The following PCDHGB2 variants were observed in gnomAD, a reference collection of about 807,000 sequenced individuals.
The protein encoded by PCDHGB2 is protocadherin gamma subfamily B, 2, also known as protocadherin gamma-B2.
In PCDHGB2, 55 loss-of-function variants were observed where a neutral mutation model predicts 59.3. The ratio of observed to expected loss-of-function variants is 0.93; its 90% CI spans 0.75 to 1.16. The LOEUF is 1.16. Among genes scored for constraint, PCDHGB2 ranks in the 50% most tolerant of loss-of-function variants. PCDHGB2 has a pLI of 0.00. For synonymous variants in PCDHGB2, 516 were observed against 512.0 expected, an observed-to-expected ratio of 1.01 and a Z score of -0.11; for missense variants, 1,228 against 1,198.5, an observed-to-expected ratio of 1.02 and a Z score of -0.36.
Position 141,362,374 on chromosome 5 carries a change from A to G in PCDHGB2, c.2239A>G (p.Thr747Ala). 1 of 1,614,036 alleles carries G rather than the reference A, an allele frequency of 6.2e-7. No individual in the cohort carries two copies. The highest frequency in any genetic ancestry group is 8.5e-7 in the Non-Finnish European group (1 of 1,179,890). The change falls in exon 1 of 4, where the codon ACA (threonine) becomes GCA (alanine). Residue 747 changes from threonine (T) to alanine (A), a missense_variant. Thr to Ala is a moderately conservative substitution (Grantham distance 58). Coordinates refer to ENST00000522605, the MANE Select transcript of PCDHGB2 (RefSeq NM_018923.3). ...PGVLPNYSEG[T>A]LPYSYNLCVA... is the part of the protein sequence containing the mutation. ...GGTTCTCCCCAATTACAGTGAGGGT[A>G]CATTGCCCTATTCCTACAACCTGTG... is the stretch of plus-strand genomic sequence containing the variant.
chr5:141,430,967 G>A lies in PCDHGB2; in HGVS notation c.2422-63840G>A, dbSNP rs746992307. 5 of 1,613,256 alleles carry A rather than the reference G, an allele frequency of 3.1e-6. No individual in the cohort carries two copies. In the East Asian group the frequency reaches 6.7e-5, roughly 22 times the overall value. On this transcript the variant is annotated intron_variant, in intron 1 of 3. Coordinates refer to ENST00000522605, the MANE Select transcript of PCDHGB2 (RefSeq NM_018923.3). ...GCGCGGAGTCCGCATCATCCCCAGA[G>A]GTAGGACGCAGCTTTTCGCCCTGAA... is the stretch of plus-strand genomic sequence containing the variant.
chr5:141,387,984 C>T (rs1470979893), intron 1 of PCDHGB2: 2 of 1,485,580 alleles, frequency 1.3e-6, no homozygotes. Flanking sequence ...TGAGCAGATC[C>T]GCTACAGGAT....
chr5:141,375,075 C>A lies in PCDHGB2; in HGVS notation c.2421+12519C>A. The stretch of plus-strand genomic sequence containing the variant: ...GATGGGCCAGGTCTTCGAGACAGAG[C>A]GAAAGTCTTAATAACTATCTTGGAT... On this transcript the variant is annotated intron_variant, in intron 1 of 3. Transcript: ENST00000522605. 4 of 1,613,926 alleles carry A rather than the reference C, an allele frequency of 2.5e-6. No individual in the cohort carries two copies. The highest frequency in any genetic ancestry group is 1.6e-4 in the Middle Eastern group (1 of 6,062).
At chr5:141,483,660 G>T (rs943362284) in intron 1 of PCDHGB2, among the ~76,000 whole-genome samples, 4 of 152,094 alleles carry the variant, frequency 2.6e-5, no homozygotes, top group Admixed American at 2.0e-4. Flanking sequence ...GTGTGTGTGT[G>T]TGTGTGTGTA....
intron 1 of PCDHGB2, chr5:141,423,620 C>T: frequency 6.2e-7 from 1 of 1,608,268 alleles, no homozygotes; most frequent in Middle Eastern, 1.7e-4. Context: ...GCTGAAGACT[C>T]AGCTATCATT....
intron 1 of PCDHGB2, chr5:141,372,532 T>C (rs2150008229): frequency 6.2e-7 from 1 of 1,614,022 alleles, no homozygotes; most frequent in South Asian, 1.1e-5. Context: ...GCAATCTCCC[T>C]GCGCCTGCGA....
In PCDHGB2 at chr5:141,477,928, C is replaced by T; in HGVS notation, c.2422-16879C>T. On this transcript the variant is annotated intron_variant, in intron 1 of 3. Coordinates refer to ENST00000522605, the MANE Select transcript of PCDHGB2 (RefSeq NM_018923.3). This position sits in a 1 kb window ranked among gnomAD's most constrained non-coding sequence, Gnocchi z 4.9. ...GGGACGCGGATGCAGGGCACAATGC[C>T]TGGCTCTCCTACAGTCTCTTGGGAT... The T allele has an allele frequency of 6.2e-7, 1 of 1,614,186 alleles. No individual in the cohort carries two copies.
Position 141,432,804 on chromosome 5 carries a change from C to T in PCDHGB2, c.2422-62003C>T, listed in dbSNP as rs1482036720. The T allele has an allele frequency of 1.2e-6, 2 of 1,614,182 alleles. No individual in the cohort carries two copies. Among genetic ancestry groups the T allele is most frequent in the Non-Finnish European group, 1.7e-6 (2 of 1,180,008 alleles). ...GACCTCGGCAGCCTCGAGTCTCCAG[C>T]TAACTCTGAAACCTCAGACCTCACT... is the stretch of plus-strand genomic sequence containing the variant. On this transcript the variant is annotated intron_variant, in intron 1 of 3. Transcript: ENST00000522605. This position sits in a 1 kb window ranked among gnomAD's most constrained non-coding sequence, Gnocchi z 6.0.
chr5:141,450,829 A>ATTTTTT (rs373424450), intron 1 of PCDHGB2, among the ~76,000 whole-genome samples: 1 of 135,126 alleles, frequency 7.4e-6, no homozygotes. Context: ...TATTATTATT[A>ATTTTTT]TTTTTTTTTT....
chr5:141,504,907 A>G (rs2099841813), intron 2 of PCDHGB2, among the ~76,000 whole-genome samples: 1 of 152,100 alleles, frequency 6.6e-6, no homozygotes, highest in African/African-American at 2.4e-5. Context: ...TCACTATGAC[A>G]GGAAGCCAGG....
At chr5:141,404,205 A>G in intron 1 of PCDHGB2, 3 of 1,613,770 alleles carry the variant, frequency 1.9e-6, no homozygotes, top group Non-Finnish European at 1.7e-6. Context: ...GCCTCAGAAT[A>G]TAATATCACG....
Position 141,366,322 on chromosome 5 carries a change from G to T in PCDHGB2, c.2421+3766G>T, listed in dbSNP as rs1764494961. 3.1e-6 allele frequency: 5 copies of T among 1,613,654 alleles called. No individual in the cohort carries two copies. The South Asian group carries it at 5.5e-5, about 18-fold the overall frequency. On this transcript the variant is annotated intron_variant, in intron 1 of 3. Transcript: ENST00000522605. ...CCACCTTCACGGTCACCGTTGCCGT[G>T]GCCGACAGGATCCCTGACATCCTGG... is the stretch of plus-strand genomic sequence containing the variant.
chr5:141,360,054 G>C lies in PCDHGB2; in HGVS notation c.-82G>C. 1 of 1,445,180 alleles carries C rather than the reference G, an allele frequency of 6.9e-7. No homozygotes were observed. 89.5% of individuals were successfully genotyped at this position (1,445,180 alleles called of 1,614,324 possible). A position where few individuals can be genotyped will look rare whatever the true frequency, so the allele number is the denominator to read the frequency against. On this transcript the variant is annotated 5_prime_UTR_variant, in exon 1 of 4. Transcript: ENST00000522605. ...GATTCGGAAACAGAAAACAAAAGCA[G>C]GAAAAGTGACCTTAGCCCGGATTCT... is the stretch of plus-strand genomic sequence containing the variant.
chr5:141,490,402 G>A lies in PCDHGB2; in HGVS notation c.2422-4405G>A. On this transcript the variant is annotated intron_variant, in intron 1 of 3. Coordinates refer to ENST00000522605, the MANE Select transcript of PCDHGB2 (RefSeq NM_018923.3). This position sits in a 1 kb window ranked among gnomAD's most constrained non-coding sequence, Gnocchi z 5.4. The stretch of plus-strand genomic sequence containing the variant: ...AGGTAGAAATGGTGAAGTGAGCCTT[G>A]ATATCTCTCCGGACCTGCCATTTCA... 6.2e-7 allele frequency: 1 copy of A among 1,614,182 alleles called. No homozygotes were observed. The highest frequency in any genetic ancestry group is 8.5e-7 in the Non-Finnish European group (1 of 1,180,024).
chr5:141,485,105 G>A lies in PCDHGB2; in HGVS notation c.2422-9702G>A. On this transcript the variant is annotated intron_variant, in intron 1 of 3. Transcript: ENST00000522605. The surrounding 1 kb of genome is among the most constrained non-coding windows in gnomAD (Gnocchi z 5.7). ...AGGGAGATAGGTGTCTCCAGCTGCT[G>A]TGGCTGTTTGGGGCGGGTCGGCTTC... 8.3e-7 allele frequency: 1 copy of A among 1,205,940 alleles called. No individual in the cohort carries two copies. Among genetic ancestry groups the A allele is most frequent in the Non-Finnish European group, 1.2e-6 (1 of 827,784 alleles). The allele number at this position is 1,205,940 out of a possible 1,614,324, so 74.7% of individuals were successfully genotyped here.
chr5:141,439,669 A>T (rs983024479), intron 1 of PCDHGB2, among the ~76,000 whole-genome samples: 4 of 152,174 alleles, frequency 2.6e-5, no homozygotes, highest in Non-Finnish European at 5.9e-5. Context: ...ATGGAATGCA[A>T]ATCCAAGAGC....
At chr5:141,417,982 G>A (rs756382601) in intron 1 of PCDHGB2, 4 of 1,613,886 alleles carry the variant, frequency 2.5e-6, no homozygotes, top group Admixed American at 3.3e-5. Flanking sequence ...CGGAGGAGCT[G>A]GCCAAGGGCT....
In PCDHGB2 at chr5:141,361,755, C is replaced by A. The variant is rs771795005; in HGVS notation, c.1620C>A (p.Pro540=). 3 of 1,613,060 alleles carry A rather than the reference C, an allele frequency of 1.9e-6. No individual in the cohort carries two copies. Among genetic ancestry groups the A allele is most frequent in the East Asian group, 2.2e-5 (1 of 44,872 alleles). The change falls in exon 1 of 4, where the codon CCC becomes CCA. Residue 540 remains proline, a synonymous_variant. Coordinates refer to ENST00000522605, the MANE Select transcript of PCDHGB2 (RefSeq NM_018923.3). ...TGCAGGCCCGCGACCAGGGCTCGCC[C>A]GCGCTCAGCGCCAACGTGAGCCTGC... ...LTLQARDQGS[P]ALSANVSLRV... is the part of the protein sequence containing the mutation.
chr5:141,399,527 T>C lies in PCDHGB2; in HGVS notation c.2421+36971T>C, dbSNP rs781680585. ...GAAAACAACCCTCCTGGGGCCTCCA[T>C]CGCGCAAGTCTGCGCCTCGGACCTG... is the stretch of plus-strand genomic sequence containing the variant. On this transcript the variant is annotated intron_variant, in intron 1 of 3. Transcript: ENST00000522605. The C allele has an allele frequency of 1.4e-4, 229 of 1,613,898 alleles. No homozygotes were observed. The highest frequency in any genetic ancestry group is 1.9e-4 in the Non-Finnish European group (225 of 1,179,892).
Sources: allele counts gnomAD v4.1 joint callset (sites outside exome capture counted in the v4.1 genomes callset), GRCh38; gene constraint gnomAD v4.1.1; non-coding constraint Gnocchi (gnomAD v3.1); transcripts MANE v1.5; gene names NCBI Gene and HGNC (gene_info 2026-07-23, HGNC 2026-07-21).